The following AP3D1 variants were observed in gnomAD, a reference collection of about 807,000 sequenced individuals.
AP3D1 encodes adaptor related protein complex 3 subunit delta 1.
AP3D1 carries 51 observed loss-of-function variants against 147.6 expected under a neutral mutation model. The observed-to-expected ratio is 0.35, with a 90% CI of 0.28 to 0.44. AP3D1 has a LOEUF of 0.44. AP3D1 is among the 20% of genes least tolerant of loss of function. The pLI is 1.00. For missense variants in AP3D1, 1,421 were observed against 1,624.2 expected (o/e 0.87, Z 2.15); for synonymous variants, 760 against 663.0 (o/e 1.15, Z -2.25).
In AP3D1 at chr19:2,120,940, A is replaced by C; in HGVS notation, c.1403T>G (p.Leu468Arg). 6.2e-7 allele frequency: 1 copy of C among 1,612,112 alleles called. No individual in the cohort carries two copies. Residue 468 changes from leucine to arginine, a missense_variant, in exon 14 of 32, where the codon CTG becomes CGG. Around this residue, in one of 6 missense-constraint regions of AP3D1, gnomAD observed 310 missense variants for 388.1 expected, o/e 0.80. Coordinates refer to ENST00000643116, the MANE Select transcript of AP3D1 (RefSeq NM_001261826.3). Reference sequence around the variant, plus strand: ...GTTCCGCTGGGTGCTGCTGGCCAGCAGGTGTGCACTGTCAAGCAGCGCAGA... The same window carrying C: ...GTTCCGCTGGGTGCTGCTGGCCAGCCGGTGTGCACTGTCAAGCAGCGCAGA... The part of the protein sequence containing the change: ...QMSALLDSAH[L>R]LASSTQRNGI...
intron 1 of AP3D1, among the ~76,000 whole-genome samples, chr19:2,151,006 T>C (rs2019492921): frequency 6.6e-6 from 1 of 152,212 alleles, no homozygotes; most frequent in Admixed American, 6.5e-5. Context: ...GAGGCGAGGA[T>C]CCGAGATGTG....
intron 3 of AP3D1, 87 bp from the exon 4 acceptor site, chr19:2,137,178 C>A: frequency 8.3e-7 from 1 of 1,200,966 alleles, no homozygotes; most frequent in Non-Finnish European, 1.2e-6. Context: ...CCACACCAGG[C>A]AGCGCCAGCC....
chr19:2,136,879 C>G (rs1362166257), intron 4 of AP3D1, 132 bp downstream of exon 4: 1 of 813,742 alleles, frequency 1.2e-6, no homozygotes, highest in Non-Finnish European at 2.0e-6. Context: ...GACTGTGGCT[C>G]CGGAAGCCCC....
At chr19:2,106,480 C>T (rs557920681) in intron 31 of AP3D1, among the ~76,000 whole-genome samples, 7 of 152,048 alleles carry the variant, frequency 4.6e-5, no homozygotes, top group East Asian at 3.9e-4. Flanking sequence ...ACCTGGGAGG[C>T]GGAGGTTGTG....
rs117387599 is a variant in AP3D1 at position 2,114,320 on chromosome 19, G to A, written c.2424-18C>T. On this transcript the variant is annotated intron_variant, in intron 21 of 31. Coordinates refer to ENST00000643116, the MANE Select transcript of AP3D1 (RefSeq NM_001261826.3). ...CTAAGGGCCTGGAGGAGGAATGACC[G>A]GGCCACACATCAGCACCACTGGCCA... 0.01 allele frequency: 16,169 copies of A among 1,601,874 alleles called. 116 individuals carry two copies. The highest frequency in any genetic ancestry group is 0.012 in the Non-Finnish European group (13,871 of 1,172,264).
intron 31 of AP3D1, among the ~76,000 whole-genome samples, chr19:2,104,177 C>T (rs1010579631): frequency 4.0e-5 from 6 of 149,406 alleles, no homozygotes; most frequent in Admixed American, 3.3e-4. Flanking sequence ...CACCGAGACA[C>T]CAACGCTGAG....
At chr19:2,127,522 GT>G (rs1179792968) in intron 8 of AP3D1, among the ~76,000 whole-genome samples, 2 of 152,116 alleles carry the variant, frequency 1.3e-5, no homozygotes, top group African/African-American at 4.8e-5. Flanking sequence ...AGTTTTTTTT[GT>G]TTTGTTTTTT....
Position 2,112,840 on chromosome 19 carries a change from T to A in AP3D1, c.2787+20A>T. The A allele has an allele frequency of 1.3e-6, 2 of 1,594,774 alleles. No individual in the cohort carries two copies. The highest frequency in any genetic ancestry group is 1.7e-6 in the Non-Finnish European group (2 of 1,168,364). ...GGCTCATGCAGCCCTCCACAGCCCCTGGGGGAGTGACAGCCTCACCTTGTC... is the reference window on the plus strand; with the variant it reads ...GGCTCATGCAGCCCTCCACAGCCCCAGGGGGAGTGACAGCCTCACCTTGTC... On this transcript the variant is annotated intron_variant, in intron 24 of 31. Coordinates refer to ENST00000643116, the MANE Select transcript of AP3D1 (RefSeq NM_001261826.3).
chr19:2,157,059 C>A (rs1191254896), intron 1 of AP3D1, among the ~76,000 whole-genome samples: 5 of 151,752 alleles, frequency 3.3e-5, no homozygotes, highest in African/African-American at 9.7e-5. Flanking sequence ...CATCTGTCAT[C>A]CATCCATCCA....
intron 1 of AP3D1, among the ~76,000 whole-genome samples, chr19:2,142,014 TTA>T (rs200162034): frequency 1.7e-4 from 25 of 150,198 alleles, no homozygotes; most frequent in African/African-American, 4.9e-4. Flanking sequence ...ATATGTTTAT[TTA>T]TATATATATA....
intron 20 of AP3D1, 22 bp downstream of exon 20, chr19:2,115,197 C>G (rs1018230332): frequency 1.2e-6 from 2 of 1,604,900 alleles, no homozygotes; most frequent in East Asian, 2.2e-5. Flanking sequence ...ATCCTAGGAC[C>G]GGGACCTCCA....
chr19:2,116,630 T>C lies in AP3D1; in HGVS notation c.1976A>G (p.Glu659Gly), dbSNP rs78248336. 1.2e-6 allele frequency: 2 copies of C among 1,600,722 alleles called. No individual in the cohort carries two copies. Among genetic ancestry groups the C allele is most frequent in the South Asian group, 2.2e-5 (2 of 89,030 alleles). ...CCGAGCCAGCTCTTCCTCGTCCGCC[T>C]CCGACGGCCGGTGCTTGGGACGCCG... Reference protein sequence around the residue: ...EQRRPKHRPSEADEEELARRR... With the variant: ...EQRRPKHRPSGADEEELARRR... Residue 659 changes from glutamate to glycine, a missense_variant, in exon 17 of 32, where the codon GAG becomes GGG. Coordinates refer to ENST00000643116, the MANE Select transcript of AP3D1 (RefSeq NM_001261826.3).
upstream of AP3D1, among the ~76,000 whole-genome samples, chr19:2,154,556 C>G (rs1042784580): frequency 6.6e-6 from 1 of 152,162 alleles, no homozygotes; most frequent in Middle Eastern, 3.2e-3. Context: ...GGAATACAGT[C>G]GTGAGCCACC....
chr19:2,163,732 G>A (rs1488134773), intron 1 of AP3D1, among the ~76,000 whole-genome samples: 35 of 151,944 alleles, frequency 2.3e-4, no homozygotes, highest in Admixed American at 2.3e-3. Context: ...AGTGGGGGAA[G>A]GGGTCGGCCG....
intron 31 of AP3D1, among the ~76,000 whole-genome samples, chr19:2,104,204 ACCAACACTGAGACT>A (rs1427472468): frequency 2.0e-5 from 3 of 146,576 alleles, no homozygotes; most frequent in South Asian, 4.4e-4. Flanking sequence ...ACACCGAGAC[ACCAACACTGAGACT>A]CCAACACCGA....
Position 2,116,711 on chromosome 19 carries a change from G to T in AP3D1, c.1895C>A (p.Ser632Ter). 1 of 1,611,864 alleles carries T rather than the reference G, an allele frequency of 6.2e-7. No individual in the cohort carries two copies. The highest frequency in any genetic ancestry group is 1.7e-5 in the Admixed American group (1 of 59,844). Reference protein sequence around the residue: ...DLDAWINEPLSDSESEDERPR... With the variant: ...DLDAWINEPL Reference sequence around the variant, plus strand: ...CCTCTCGTCCTCTGACTCGCTGTCCGAGAGTGGCTCATTGATCCAGGCGTC... The same window carrying T: ...CCTCTCGTCCTCTGACTCGCTGTCCTAGAGTGGCTCATTGATCCAGGCGTC... The change falls in exon 17 of 32, where the codon TCG becomes TAG. Residue 632 changes from serine to a stop codon, truncating the protein, a stop_gained. Transcript: ENST00000643116. LOFTEE classifies it high-confidence loss of function.
At chr19:2,124,967 T>C (rs2018712032) in intron 9 of AP3D1, among the ~76,000 whole-genome samples, 2 of 151,866 alleles carry the variant, frequency 1.3e-5, no homozygotes, top group Admixed American at 6.6e-5. Context: ...AAAAGAATGA[T>C]CTAATGGACT....
chr19:2,142,764 T>C (rs1197752219), intron 1 of AP3D1, among the ~76,000 whole-genome samples: 3 of 151,188 alleles, frequency 2.0e-5, no homozygotes, highest in Non-Finnish European at 3.0e-5. Flanking sequence ...TGTTTTTTTT[T>C]TTTCTTTTTT....
intron 1 of AP3D1, among the ~76,000 whole-genome samples, chr19:2,163,382 G>A (rs1244704343): frequency 9.9e-5 from 15 of 151,904 alleles, no homozygotes; most frequent in Admixed American, 7.2e-4. Context: ...CCGTGAGAGG[G>A]GGTTTCTCCA....
Sources: allele counts gnomAD v4.1 joint callset (sites outside exome capture counted in the v4.1 genomes callset), GRCh38; gene constraint gnomAD v4.1.1; regional missense constraint gnomAD v4.1.1; transcripts MANE v1.5; gene names NCBI Gene and HGNC (gene_info 2026-07-23, HGNC 2026-07-21).